Variants in SLC25A13 observed in about 807,000 individuals in gnomAD.
The protein encoded by SLC25A13 is electrogenic aspartate/glutamate antiporter SLC25A13, mitochondrial.
SLC25A13 carries 70 observed loss-of-function variants against 85.5 expected under a neutral mutation model. The ratio of observed to expected loss-of-function variants is 0.82; its 90% CI spans 0.68 to 1.00. The LOEUF (loss-of-function observed/expected upper bound fraction) is 1.00. Ranked by LOEUF, SLC25A13 falls within the 50% of genes least tolerant of loss-of-function variation. The pLI is 0.00. For synonymous variants in SLC25A13, 259 were observed against 288.7 expected (o/e 0.90, Z 1.04); for missense variants, 765 against 819.8 (o/e 0.93, Z 0.82).
intron 4 of SLC25A13, among the ~76,000 whole-genome samples, chr7:96,228,687 G>A (rs550380820): frequency 6.6e-6 from 1 of 152,306 alleles, no homozygotes; most frequent in Non-Finnish European, 1.5e-5. Flanking sequence ...AGCTCCCTCT[G>A]CTTGCAGGGA....
rs114128152 is a variant in SLC25A13 at position 96,303,734 on chromosome 7, C to T, written c.16-6783G>A. Among the ~76,000 whole-genome samples the T allele has an allele frequency of 9.5e-3, 1,448 of 152,122 alleles. 18 individuals are homozygous for T. The highest frequency in any genetic ancestry group is 0.032 in the African/African-American group (1,346 of 41,464). On this transcript the variant is annotated intron_variant, in intron 1 of 17. Transcript: ENST00000265631. ...CTAGTTTTCCTGTGGCAACCTCCTG[C>T]CCTCCCATGTCAGTGGCCACATGGT...
chr7:96,226,733 A>C (rs900727945), intron 4 of SLC25A13, among the ~76,000 whole-genome samples: 28 of 152,204 alleles, frequency 1.8e-4, no homozygotes, highest in Admixed American at 1.8e-3. Flanking sequence ...AAAGACCTTA[A>C]ATTTCAAAAA....
In SLC25A13 at chr7:96,278,723, T is replaced by A. The variant is rs111819642; in HGVS notation, c.70-1385A>T. On this transcript the variant is annotated intron_variant, in intron 2 of 17. Transcript: ENST00000265631. ...CTATAGTATTGTCTTACAGTTAACATTTTTTTTAGCACACTACAAGGGAAA... is the reference window on the plus strand; with the variant it reads ...CTATAGTATTGTCTTACAGTTAACAATTTTTTTAGCACACTACAAGGGAAA... Among the ~76,000 whole-genome samples, 506 of 151,906 alleles carry A rather than the reference T, an allele frequency of 3.3e-3. 1 individual carries two copies. Among genetic ancestry groups the A allele is most frequent in the African/African-American group, 0.011 (471 of 41,512 alleles).
At chr7:96,178,577 T>G (rs1265521796) in intron 11 of SLC25A13, among the ~76,000 whole-genome samples, 2 of 152,128 alleles carry the variant, frequency 1.3e-5, no homozygotes, top group Non-Finnish European at 2.9e-5. Flanking sequence ...CCCTCCGATG[T>G]CAAATTCTTA....
At chr7:96,315,445 TCACTGGCCTAGA>T (rs1406906207) in intron 1 of SLC25A13, among the ~76,000 whole-genome samples, 16 of 152,184 alleles carry the variant, frequency 1.1e-4, no homozygotes, top group Admixed American at 1.0e-3. Context: ...ATGTAGGGAA[TCACTGGCCTAGA>T]GCAGTGCCAA....
chr7:96,224,873 G>A (rs1425398542), intron 4 of SLC25A13, among the ~76,000 whole-genome samples: 2 of 152,180 alleles, frequency 1.3e-5, no homozygotes. Flanking sequence ...ACCAGAGGGA[G>A]GCAGTGTGGC....
In SLC25A13 at chr7:96,321,893, C is replaced by T. The variant is rs576431665; in HGVS notation, c.15+49G>A. On this transcript the variant is annotated intron_variant, in intron 1 of 17. Transcript: ENST00000265631. ...TGAGCGCCCGAGCCTCTCGCACCCC[C>T]AGGCTGATCCGGCAGGCGCGCTCCC... 2.6e-6 allele frequency: 4 copies of T among 1,520,484 alleles called. No individual in the cohort carries two copies. In the Admixed American group the frequency reaches 6.1e-5, roughly 23 times the overall value. 94.2% of individuals were successfully genotyped at this position (1,520,484 alleles called of 1,614,324 possible).
intron 5 of SLC25A13, among the ~76,000 whole-genome samples, chr7:96,196,979 T>C (rs1795087256): frequency 6.6e-6 from 1 of 152,198 alleles, no homozygotes; most frequent in African/African-American, 2.4e-5. Flanking sequence ...CATGGAATGC[T>C]TACTGCAAGC....
At chr7:96,285,187 A>G (rs1010138356) in intron 2 of SLC25A13, among the ~76,000 whole-genome samples, 6 of 152,228 alleles carry the variant, frequency 3.9e-5, no homozygotes. Flanking sequence ...AAAATCAGCC[A>G]TCTTAATCAA....
chr7:96,207,731 T>A (rs1795512384), intron 5 of SLC25A13, among the ~76,000 whole-genome samples: 1 of 152,164 alleles, frequency 6.6e-6, no homozygotes, highest in East Asian at 1.9e-4. Context: ...TAAGTTATAA[T>A]CATATTTTGT....
intron 14 of SLC25A13, among the ~76,000 whole-genome samples, chr7:96,141,327 C>A (rs1461508365): frequency 6.6e-6 from 1 of 152,190 alleles, no homozygotes; most frequent in Non-Finnish European, 1.5e-5. Context: ...TCGGCCATAT[C>A]TTTGTTCTCT....
intron 3 of SLC25A13, among the ~76,000 whole-genome samples, chr7:96,270,379 A>T (rs568590824): frequency 6.6e-6 from 1 of 152,248 alleles, no homozygotes; most frequent in South Asian, 2.1e-4. Context: ...AACATGGTAA[A>T]ACACTGTCTC....
At chr7:96,225,503 C>G (rs1335053527) in intron 4 of SLC25A13, among the ~76,000 whole-genome samples, 1 of 151,338 alleles carries the variant, frequency 6.6e-6, no homozygotes, top group African/African-American at 2.4e-5. Flanking sequence ...CCAGATCACT[C>G]CAGCCTGGGT....
intron 14 of SLC25A13, among the ~76,000 whole-genome samples, chr7:96,133,906 G>A (rs367618989): frequency 6.7e-6 from 1 of 150,050 alleles, no homozygotes; most frequent in Non-Finnish European, 1.5e-5. Flanking sequence ...GGGCAACAGA[G>A]TAAGACTCCA....
At chr7:96,245,984 A>C (rs1316390984) in intron 3 of SLC25A13, among the ~76,000 whole-genome samples, 1 of 152,250 alleles carries the variant, frequency 6.6e-6, no homozygotes, top group Non-Finnish European at 1.5e-5. Flanking sequence ...CACAAATAAG[A>C]AATCAGTAAC....
intron 4 of SLC25A13, among the ~76,000 whole-genome samples, chr7:96,229,526 TTCTTTTGC>T (rs1042173548): frequency 6.1e-4 from 93 of 152,230 alleles, no homozygotes; most frequent in African/African-American, 2.1e-3. Flanking sequence ...GAAGCTTTTG[TTCTTTTGC>T]TCTTCACAAT....
At chr7:96,135,476 G>C (rs780201226) in intron 14 of SLC25A13, among the ~76,000 whole-genome samples, 1 of 152,208 alleles carries the variant, frequency 6.6e-6, no homozygotes, top group Non-Finnish European at 1.5e-5. Context: ...TACCTGACCT[G>C]TTGCTCTTGC....
rs1794008978 is a variant in SLC25A13, at chr7:96,171,656, T to G, written c.1178-132A>C. ...TGCAATTTTCTGCTATTACCCTTAA[T>G]GAGAATATTTGAAATGGAATGTTTA... On this transcript the variant is annotated intron_variant, in intron 11 of 17. Transcript: ENST00000265631. The G allele has an allele frequency of 6.7e-6, 5 of 740,914 alleles. No homozygotes were observed. In the South Asian group the frequency reaches 8.0e-5, roughly 12 times the overall value. 45.9% of individuals were successfully genotyped at this position (740,914 alleles called of 1,614,324 possible). A position where few individuals can be genotyped will look rare whatever the true frequency, so the allele number is the denominator to read the frequency against.
intron 4 of SLC25A13, among the ~76,000 whole-genome samples, chr7:96,214,796 T>C (rs1476185646): frequency 6.6e-6 from 1 of 151,972 alleles, no homozygotes; most frequent in Non-Finnish European, 1.5e-5. Flanking sequence ...AATAAAATAC[T>C]TAGAAATAAA....
Sources: gnomAD v4.1 joint callset for allele counts (sites outside exome capture counted in the v4.1 genomes callset) on GRCh38, gnomAD v4.1.1 for gene constraint, MANE v1.5 for transcripts, NCBI Gene and HGNC (gene_info 2026-07-23, HGNC 2026-07-21) for gene names.